The following KLHL28 variants were observed in gnomAD, a reference collection of about 807,000 sequenced individuals.
The protein encoded by KLHL28 is kelch like family member 28, also known as kelch-like protein 28.
A neutral mutation model predicts 48.3 loss-of-function variants in KLHL28; 22 were observed. That is an observed-to-expected ratio of 0.46 (90% CI 0.33 to 0.65). The LOEUF is 0.65. Among genes scored for constraint, KLHL28 ranks in the 30% least tolerant of loss-of-function variants. KLHL28 has a pLI of 0.03. For missense variants in KLHL28, 527 were observed against 704.3 expected (o/e 0.75, Z 2.85); for synonymous variants, 243 against 242.4 (o/e 1.00, Z -0.02).
At chr14:44,950,834 A>G (rs1310217380) in intron 1 of KLHL28, among the ~76,000 whole-genome samples, 1 of 152,226 alleles carries the variant, frequency 6.6e-6, no homozygotes, top group African/African-American at 2.4e-5. Context: ...AAGCTTGGTT[A>G]TTGCCAACTA....
intron 2 of KLHL28, among the ~76,000 whole-genome samples, 191 bp downstream of exon 2, chr14:44,944,839 G>A (rs999913882): frequency 4.6e-5 from 7 of 151,948 alleles, no homozygotes; most frequent in African/African-American, 7.3e-5. Context: ...ATAATTGAGA[G>A]TATTGTAAAG....
chr14:44,932,439 T>A (rs1883631993), intron 3 of KLHL28, among the ~76,000 whole-genome samples: 1 of 152,168 alleles, frequency 6.6e-6, no homozygotes, highest in South Asian at 2.1e-4. Flanking sequence ...CTAAGCTGCA[T>A]TATGGAATCC....
At chr14:44,960,556 G>C (rs1018839000) in intron 1 of KLHL28, among the ~76,000 whole-genome samples, 1 of 152,020 alleles carries the variant, frequency 6.6e-6, no homozygotes, top group African/African-American at 2.4e-5. Flanking sequence ...TCTTTAACCT[G>C]TCCCTAAAAT....
intron 1 of KLHL28, among the ~76,000 whole-genome samples, chr14:44,946,501 A>T (rs1884341353): frequency 1.3e-5 from 2 of 150,692 alleles, no homozygotes. Flanking sequence ...AAGTCCCATG[A>T]GGGCAATAAG....
rs190071431 is a variant in KLHL28 at position 44,948,087 on chromosome 14, A to G, written c.1-2159T>C. Among the ~76,000 whole-genome samples, 4 of 152,330 alleles carry G rather than the reference A, an allele frequency of 2.6e-5. No individual in the cohort carries two copies. The East Asian group carries it at 7.7e-4, about 29-fold the overall frequency. ...GCCTCAGTTTTATGAAAAAGTTAAA[A>G]TCTAGACTTAAAAGTAAAGAATGAA... is the stretch of plus-strand genomic sequence containing the variant. On this transcript the variant is annotated intron_variant, in intron 1 of 4. Coordinates refer to ENST00000396128, the MANE Select transcript of KLHL28 (RefSeq NM_017658.5).
intron 3 of KLHL28, among the ~76,000 whole-genome samples, chr14:44,933,406 G>A (rs1488972689): frequency 6.6e-6 from 1 of 151,518 alleles, no homozygotes; most frequent in Non-Finnish European, 1.5e-5. Flanking sequence ...AACCTCCTGG[G>A]CTCAAGCAAT....
At chr14:44,956,734 AAC>A (rs1884808447) in intron 1 of KLHL28, among the ~76,000 whole-genome samples, 1 of 152,236 alleles carries the variant, frequency 6.6e-6, no homozygotes. Context: ...ATATTTAGAA[AAC>A]AGTTGGAAAT....
At position 44,945,360 on chromosome 14, in the gene KLHL28, A is replaced by G. The variant is rs748643447; in HGVS notation, c.569T>C (p.Leu190Ser). Residue 190 changes from leucine (L) to serine (S), a missense_variant, in exon 2 of 5, where the codon TTG (leucine) becomes TCG (serine). By Grantham distance (145) the Leu-to-Ser change is moderately radical (BLOSUM62 -2). Coordinates refer to ENST00000396128, the MANE Select transcript of KLHL28 (RefSeq NM_017658.5). Reference protein sequence around the residue: ...DLDEIVSNDCLNVATEETVFY... With the variant: ...DLDEIVSNDCSNVATEETVFY... ...AACAGTCTCTTCGGTAGCTACATTC[A>G]AACAGTCATTGGAAACAATTTCATC... is the stretch of plus-strand genomic sequence containing the variant. 6.2e-7 allele frequency: 1 copy of G among 1,614,216 alleles called. No homozygotes were observed. The highest frequency in any genetic ancestry group is 1.7e-5 in the Admixed American group (1 of 60,034).
intron 1 of KLHL28, chr14:44,960,791 G>A: frequency 7.1e-6 from 2 of 280,028 alleles, no homozygotes; most frequent in Non-Finnish European, 1.2e-5. Flanking sequence ...AATTATTTTT[G>A]CACTTGCATC....
intron 4 of KLHL28, among the ~76,000 whole-genome samples, chr14:44,930,351 G>A (rs1049581773): frequency 6.6e-6 from 1 of 151,986 alleles, no homozygotes; most frequent in Non-Finnish European, 1.5e-5. Flanking sequence ...GTGCAGTGGC[G>A]CGATCTCGGT....
In KLHL28 at chr14:44,950,624, C is replaced by T. The variant is rs564188710; in HGVS notation, c.1-4696G>A. Among the ~76,000 whole-genome samples, 4 of 152,220 alleles carry T rather than the reference C, an allele frequency of 2.6e-5. No homozygotes were observed. The South Asian group carries it at 8.3e-4, about 32-fold the overall frequency. On this transcript the variant is annotated intron_variant, in intron 1 of 4. Transcript: ENST00000396128. Reference sequence around the variant, plus strand: ...GTTTTAAGAGACTGGGCTTTGGTACCAGGCTTCCCGGGTTACAATACAATG... The same window carrying T: ...GTTTTAAGAGACTGGGCTTTGGTACTAGGCTTCCCGGGTTACAATACAATG...
rs1466135131 is a variant in KLHL28, at chr14:44,928,788, T to C, written c.*240A>G. Reference sequence around the variant, plus strand: ...TTGGGGGAAAAAGTGCAGAATTCAATTGGCAAAGTCTTTACTTTTTTTTTT... The same window carrying C: ...TTGGGGGAAAAAGTGCAGAATTCAACTGGCAAAGTCTTTACTTTTTTTTTT... On this transcript the variant is annotated 3_prime_UTR_variant, in exon 5 of 5. Coordinates refer to ENST00000396128, the MANE Select transcript of KLHL28 (RefSeq NM_017658.5). The C allele has an allele frequency of 1.8e-5, 6 of 325,052 alleles. No homozygotes were observed. The highest frequency in any genetic ancestry group is 3.4e-5 in the Non-Finnish European group (6 of 178,420). The allele number at this position is 325,052 out of a possible 1,614,324, so 20.1% of individuals were successfully genotyped here. A position where few individuals can be genotyped will look rare whatever the true frequency, so the allele number is the denominator to read the frequency against.
intron 1 of KLHL28, among the ~76,000 whole-genome samples, chr14:44,958,193 T>C (rs189546506): frequency 1.9e-4 from 29 of 151,904 alleles, no homozygotes; most frequent in Non-Finnish European, 7.4e-5. Flanking sequence ...AAACTTTCCA[T>C]AGTCTACAGT....
In KLHL28 at chr14:44,945,120, T is replaced by G; in HGVS notation, c.809A>C (p.His270Pro). Residue 270 changes from histidine to proline, a missense_variant, in exon 2 of 5, where the codon CAT (histidine) becomes CCT (proline). His to Pro is a moderately conservative substitution (Grantham distance 77). Coordinates refer to ENST00000396128, the MANE Select transcript of KLHL28 (RefSeq NM_017658.5). ...YHFMPEHRLS[H>P]QTVLMTRPRC... ...AGGTCGTGTCATCAAGACTGTCTGA[T>G]GAGAGAGTCTATGTTCAGGCATAAA... is the stretch of plus-strand genomic sequence containing the variant. 6.2e-7 allele frequency: 1 copy of G among 1,614,136 alleles called. No homozygotes were observed. The highest frequency in any genetic ancestry group is 8.5e-7 in the Non-Finnish European group (1 of 1,179,990).
At chr14:44,943,472 A>G (rs1884187195) in intron 2 of KLHL28, among the ~76,000 whole-genome samples, 1 of 152,144 alleles carries the variant, frequency 6.6e-6, no homozygotes, top group Non-Finnish European at 1.5e-5. Flanking sequence ...GGCCTGACCA[A>G]CATGGTGAAA....
rs1480488850 is a variant in KLHL28 at position 44,927,494 on chromosome 14, A to G, written c.*1534T>C. ...AACAGGTTTAAAAAAAATCAAGGAA[A>G]AGAAAATCAAATGACTACAGTTCCA... On this transcript the variant is annotated 3_prime_UTR_variant, in exon 5 of 5. Transcript: ENST00000396128. 1 of 152,472 alleles carries G rather than the reference A, an allele frequency of 6.6e-6. No homozygotes were observed. Among genetic ancestry groups the G allele is most frequent in the African/African-American group, 2.4e-5 (1 of 41,454 alleles). The allele number at this position is 152,472 out of a possible 1,614,324, so 9.4% of individuals were successfully genotyped here. A position where few individuals can be genotyped will look rare whatever the true frequency, so the allele number is the denominator to read the frequency against.
chr14:44,958,072 GTTC>G (rs1184078287), intron 1 of KLHL28, among the ~76,000 whole-genome samples: 1 of 136,416 alleles, frequency 7.3e-6, no homozygotes, highest in Non-Finnish European at 1.6e-5. Flanking sequence ...CATAGTTTTT[GTTC>G]TTTTTTTTTT....
chr14:44,938,167 T>C (rs541363628), intron 2 of KLHL28, among the ~76,000 whole-genome samples: 2 of 152,240 alleles, frequency 1.3e-5, no homozygotes, highest in African/African-American at 2.4e-5. Flanking sequence ...ATCTAAATCA[T>C]ATATAAGCGA....
At chr14:44,954,311 T>C (rs910761802) in intron 1 of KLHL28, among the ~76,000 whole-genome samples, 3 of 152,326 alleles carry the variant, frequency 2.0e-5, no homozygotes, top group African/African-American at 7.2e-5. Context: ...GGCAAAAATG[T>C]ATAAAGACAA....
Sources: allele counts gnomAD v4.1 joint callset (sites outside exome capture counted in the v4.1 genomes callset), GRCh38; gene constraint gnomAD v4.1.1; transcripts MANE v1.5; gene names NCBI Gene and HGNC (gene_info 2026-07-23, HGNC 2026-07-21).